The following HYDIN variants were observed in gnomAD, a reference collection of about 807,000 sequenced individuals.
The protein encoded by HYDIN is axonemal central pair apparatus protein HYDIN.
HYDIN carries 132 observed loss-of-function variants against 403.9 expected under a neutral mutation model. The observed-to-expected ratio is 0.33, with a 90% CI of 0.28 to 0.38. The LOEUF (loss-of-function observed/expected upper bound fraction) is 0.38, where lower values mean the gene tolerates loss of function less well. HYDIN is among the 10% of genes least tolerant of loss of function. The pLI, the probability that HYDIN is intolerant of heterozygous loss-of-function variation, is 1.00. For synonymous variants in HYDIN, 1,202 were observed against 1,891.7 expected (o/e 0.64, Z 9.46); for missense variants, 2,827 against 5,009.5 (o/e 0.56, Z 13.15).
intron 23 of HYDIN, among the ~76,000 whole-genome samples, chr16:70,994,254 AATGGATGGATGCATGG>A (rs1371636580): frequency 1.6e-5 from 2 of 128,664 alleles, no homozygotes; most frequent in Non-Finnish European, 3.3e-5. Flanking sequence ...TGATTGAATG[AATGGATGGATGCATGG>A]ATGGATGGAT....
intron 1 of HYDIN, among the ~76,000 whole-genome samples, chr16:71,221,751 T>G (rs1383277281): frequency 6.6e-6 from 1 of 152,234 alleles, no homozygotes; most frequent in Non-Finnish European, 1.5e-5. Context: ...GCATATACTT[T>G]AAGACATTAG....
chr16:71,057,045 T>C (rs1362527509), intron 18 of HYDIN, among the ~76,000 whole-genome samples: 4 of 110,140 alleles, frequency 3.6e-5, no homozygotes, highest in African/African-American at 1.4e-4. Flanking sequence ...GGAGTTTCGC[T>C]CTGTCACCCA....
chr16:70,931,377 G>T (rs778927588), intron 45 of HYDIN, among the ~76,000 whole-genome samples: 19 of 151,240 alleles, frequency 1.3e-4, no homozygotes, highest in Non-Finnish European at 2.7e-4. Context: ...ATTTCTTGCA[G>T]TTTAAAGATT....
chr16:70,983,134 CATAAGA>C (rs1404974861), intron 28 of HYDIN, among the ~76,000 whole-genome samples: 1 of 50,184 alleles, frequency 2.0e-5, no homozygotes, highest in Non-Finnish European at 3.3e-5. Context: ...TTTTGCTAAT[CATAAGA>C]ATGTGTTAAA....
chr16:70,974,278 A>G lies in HYDIN; in HGVS notation c.4932T>C (p.Arg1644=), dbSNP rs1474361321. 1 of 1,612,676 alleles carries G rather than the reference A, an allele frequency of 6.2e-7. No individual in the cohort carries two copies. The highest frequency in any genetic ancestry group is 8.5e-7 in the Non-Finnish European group (1 of 1,179,358). Residue 1644 remains arginine, a synonymous_variant, in exon 33 of 86, where the codon CGT becomes CGC. Transcript: ENST00000393567. ...HETGFSTELD[R]VKNLPHCETE... The stretch of plus-strand genomic sequence containing the variant: ...TTTCACAATGAGGTAGATTCTTTAC[A>G]CGATCTAGCTCAGTACTGAATCCTG...
chr16:70,971,693 T>C (rs922542926), intron 35 of HYDIN, among the ~76,000 whole-genome samples: 2 of 151,436 alleles, frequency 1.3e-5, no homozygotes, highest in African/African-American at 4.9e-5. Flanking sequence ...CACAGAAATA[T>C]CTATTTCTGG....
intron 69 of HYDIN, among the ~76,000 whole-genome samples, chr16:70,861,238 TA>T (rs1597149451): frequency 6.6e-6 from 1 of 152,190 alleles, no homozygotes. Flanking sequence ...CTGGAAATCC[TA>T]AAAAAGTATC....
At chr16:71,216,921 C>A (rs2088910371) in intron 1 of HYDIN, among the ~76,000 whole-genome samples, 2 of 152,200 alleles carry the variant, frequency 1.3e-5, no homozygotes, top group African/African-American at 4.8e-5. Flanking sequence ...CACCACAAGG[C>A]TCTCTCCACT....
intron 46 of HYDIN, among the ~76,000 whole-genome samples, chr16:70,919,226 G>C (rs2076926592): frequency 6.6e-6 from 1 of 152,230 alleles, no homozygotes. Context: ...ACCAGAGCCA[G>C]GGAGTTCTTC....
rs756048530 is a variant in HYDIN, at chr16:70,807,917, C to A, written c.15029G>T (p.Gly5010Val). 1 of 1,614,166 alleles carries A rather than the reference C, an allele frequency of 6.2e-7. No homozygotes were observed. Among genetic ancestry groups the A allele is most frequent in the Non-Finnish European group, 8.5e-7 (1 of 1,180,028 alleles). ...AAAGAGGGGGATGATATACTCTCCACCTGCGAGCGATGATAGGATCAGGAT... is the reference window on the plus strand; with the variant it reads ...AAAGAGGGGGATGATATACTCTCCAACTGCGAGCGATGATAGGATCAGGAT... ...KGILILSSLAGGEYIIPLFGM... is the reference protein window; with the variant it reads ...KGILILSSLAVGEYIIPLFGM... The change falls in exon 86 of 86, where the codon GGT becomes GTT. Residue 5010 changes from glycine to valine, a missense_variant. Physicochemically the swap from Gly to Val is moderately radical, Grantham distance 109. Transcript: ENST00000393567.
chr16:71,180,741 T>A (rs1367876358), intron 3 of HYDIN, among the ~76,000 whole-genome samples: 2 of 152,030 alleles, frequency 1.3e-5, no homozygotes, highest in Non-Finnish European at 2.9e-5. Context: ...ATACTAGAAA[T>A]CAAACAAGAA....
intron 52 of HYDIN, 87 bp from the exon 53 acceptor site, chr16:70,901,289 G>C: frequency 3.4e-6 from 3 of 894,650 alleles, no homozygotes; most frequent in Non-Finnish European, 5.2e-6. Flanking sequence ...TAGGTTCAGG[G>C]GTTCATGTGC....
intron 43 of HYDIN, among the ~76,000 whole-genome samples, chr16:70,939,151 G>A (rs988822901): frequency 6.6e-6 from 1 of 152,188 alleles, no homozygotes; most frequent in African/African-American, 2.4e-5. Context: ...GTGATAGTAG[G>A]AGCAGGGGTC....
At position 70,841,623 on chromosome 16, in the gene HYDIN, C is replaced by T. The variant is rs184245608; in HGVS notation, c.12874-1390G>A. Reference sequence around the variant, plus strand: ...AAGTGATTGGTCATGAGGGATCGCCCTCATGAATGGACTAATGCCATCACC... The same window carrying T: ...AAGTGATTGGTCATGAGGGATCGCCTTCATGAATGGACTAATGCCATCACC... On this transcript the variant is annotated intron_variant, in intron 75 of 85. Transcript: ENST00000393567. Among the ~76,000 whole-genome samples, 4 of 152,260 alleles carry T rather than the reference C, an allele frequency of 2.6e-5. No homozygotes were observed. The East Asian group carries it at 7.7e-4, about 29-fold the overall frequency.
At chr16:71,010,266 G>T (rs2080037517) in intron 23 of HYDIN, among the ~76,000 whole-genome samples, 1 of 152,172 alleles carries the variant, frequency 6.6e-6, no homozygotes, top group African/African-American at 2.4e-5. Context: ...TCCCTGGGAA[G>T]TGAAAAAGAA....
At position 70,955,354 on chromosome 16, in the gene HYDIN, C is replaced by T. The variant is rs374216766; in HGVS notation, c.6316+21G>A. On this transcript the variant is annotated intron_variant, in intron 40 of 85. Transcript: ENST00000393567. ...GGTGTTGGTGACTTGACCACAAAAACCCAAGAGAATGGGCTCTTACCAGCC... is the reference window on the plus strand; with the variant it reads ...GGTGTTGGTGACTTGACCACAAAAATCCAAGAGAATGGGCTCTTACCAGCC... 9.0e-5 allele frequency: 139 copies of T among 1,545,218 alleles called. 1 individual carries two copies. In the African/African-American group the frequency reaches 1.7e-3, roughly 19 times the overall value.
chr16:70,934,444 T>C lies in HYDIN; in HGVS notation c.7158+1508A>G, dbSNP rs548083614. ...ACAGGTGTGCTGACGGTCGAAGACA[T>C]AGAGCAGTCCTTTTGATGAGGAAGC... On this transcript the variant is annotated intron_variant, in intron 45 of 85. Coordinates refer to ENST00000393567, the MANE Select transcript of HYDIN (RefSeq NM_001270974.2). Among the ~76,000 whole-genome samples, 6 of 152,154 alleles carry C rather than the reference T, an allele frequency of 3.9e-5. No individual in the cohort carries two copies. In the East Asian group the frequency reaches 1.2e-3, roughly 29 times the overall value.
In HYDIN at chr16:71,019,394, G is replaced by A. The variant is rs548733521; in HGVS notation, c.3330+780C>T. Among the ~76,000 whole-genome samples the A allele has an allele frequency of 2.1e-4, 32 of 152,370 alleles. No individual in the cohort carries two copies. In the East Asian group the frequency reaches 4.4e-3, roughly 21 times the overall value. On this transcript the variant is annotated intron_variant, in intron 22 of 85. Coordinates refer to ENST00000393567, the MANE Select transcript of HYDIN (RefSeq NM_001270974.2). Reference sequence around the variant, plus strand: ...TTTAATGACATGATTAGATGGTTTCGGTTGATAAAGCCACTCACCTGATTC... The same window carrying A: ...TTTAATGACATGATTAGATGGTTTCAGTTGATAAAGCCACTCACCTGATTC...
At position 70,806,872 on chromosome 16, in the gene HYDIN, G is replaced by A. The variant is rs2035130061; in HGVS notation, c.*708C>T. ...AGAGTGAGAGTTAGGTGGTCCTGAT[G>A]TGCAGATGGGTTGAGAATCCCTGCT... is the stretch of plus-strand genomic sequence containing the variant. On this transcript the variant is annotated 3_prime_UTR_variant, in exon 86 of 86. Coordinates refer to ENST00000393567, the MANE Select transcript of HYDIN (RefSeq NM_001270974.2). 6.6e-6 allele frequency among the ~76,000 whole-genome samples: 1 copy of A among 152,332 alleles called. No homozygotes were observed. The highest frequency in any genetic ancestry group is 2.1e-4 in the South Asian group (1 of 4,826).
Sources: gnomAD v4.1 joint callset for allele counts (sites outside exome capture counted in the v4.1 genomes callset) on GRCh38, gnomAD v4.1.1 for gene constraint, MANE v1.5 for transcripts, NCBI Gene and HGNC (gene_info 2026-07-23, HGNC 2026-07-21) for gene names.